The following SLC9A9 variants were observed in gnomAD, a reference collection of about 807,000 sequenced individuals.
The protein encoded by SLC9A9 is solute carrier family 9 member A9.
A neutral mutation model predicts 77.8 loss-of-function variants in SLC9A9; 62 were observed. That is an observed-to-expected ratio of 0.80 (90% CI 0.65 to 0.98). The LOEUF is 0.98. Among genes scored for constraint, SLC9A9 ranks in the 50% least tolerant of loss-of-function variants. SLC9A9 has a pLI of 0.00. For synonymous variants in SLC9A9, 320 were observed against 283.5 expected, an observed-to-expected ratio of 1.13 and a Z score of -1.29; for missense variants, 775 against 774.9, an observed-to-expected ratio of 1.00 and a Z score of 0.00.
At chr3:143,489,670 A>T (rs943101116) in intron 11 of SLC9A9, among the ~76,000 whole-genome samples, 2 of 152,074 alleles carry the variant, frequency 1.3e-5, no homozygotes, top group Non-Finnish European at 2.9e-5. Flanking sequence ...AAAAATAGAC[A>T]AATTAAATTT....
At chr3:143,566,220 T>C (rs2108650592) in intron 8 of SLC9A9, among the ~76,000 whole-genome samples, 1 of 152,274 alleles carries the variant, frequency 6.6e-6, no homozygotes, top group Non-Finnish European at 1.5e-5. Flanking sequence ...CAAAAGCCTT[T>C]CAAGAACTGA....
At chr3:143,439,701 C>G (rs571920959) in intron 12 of SLC9A9, among the ~76,000 whole-genome samples, 1 of 152,272 alleles carries the variant, frequency 6.6e-6, no homozygotes, top group East Asian at 1.9e-4. Flanking sequence ...CCCCCCAACT[C>G]CCCTCATTCT....
Position 143,511,177 on chromosome 3 carries a change from G to A in SLC9A9, c.1090-15729C>T, listed in dbSNP as rs552849797. Among the ~76,000 whole-genome samples, 9 of 152,194 alleles carry A rather than the reference G, an allele frequency of 5.9e-5. No homozygotes were observed. In the East Asian group the frequency reaches 9.7e-4, roughly 16 times the overall value. On this transcript the variant is annotated intron_variant, in intron 9 of 15. Coordinates refer to ENST00000316549, the MANE Select transcript of SLC9A9 (RefSeq NM_173653.4). ...TTGGGCTGGTGCAGTGGGGGTGGGC[G>A]GATGATCACCCCAAAACAGTCAAGT... is the stretch of plus-strand genomic sequence containing the variant.
At position 143,765,127 on chromosome 3, in the gene SLC9A9, CT is replaced by C. The variant is rs2007271954; in HGVS notation, c.533+29873del. Among the ~76,000 whole-genome samples the C allele has an allele frequency of 4.8e-5, 7 of 145,464 alleles. No individual in the cohort carries two copies. In the Admixed American group the frequency reaches 4.9e-4, roughly 10 times the overall value. ...TTTCCCTCTTTTTCTTTCTTTCTCT[CT>C]TTCTTTCTTTTTCTTTCTTTCTCTC... On this transcript the variant is annotated intron_variant, in intron 4 of 15. Coordinates refer to ENST00000316549, the MANE Select transcript of SLC9A9 (RefSeq NM_173653.4).
chr3:143,529,658 A>G (rs2036470310), intron 9 of SLC9A9, among the ~76,000 whole-genome samples: 1 of 152,218 alleles, frequency 6.6e-6, no homozygotes, highest in Admixed American at 6.5e-5. Context: ...TAACCCATCA[A>G]TGATTACTGG....
chr3:143,770,298 A>G (rs1320919234), intron 4 of SLC9A9, among the ~76,000 whole-genome samples: 3 of 152,342 alleles, frequency 2.0e-5, no homozygotes, highest in Admixed American at 1.3e-4. Flanking sequence ...AACATATTTT[A>G]CAGGCACAAT....
intron 3 of SLC9A9, among the ~76,000 whole-genome samples, chr3:143,795,773 T>G (rs1659359012): frequency 6.6e-6 from 1 of 152,198 alleles, no homozygotes; most frequent in African/African-American, 2.4e-5. Flanking sequence ...GCAATTCACT[T>G]TATTTTAATG....
intron 5 of SLC9A9, among the ~76,000 whole-genome samples, chr3:143,677,075 C>T (rs1215998105): frequency 1.3e-5 from 2 of 152,188 alleles, no homozygotes; most frequent in Non-Finnish European, 2.9e-5. Context: ...ATGTTCATTG[C>T]TGAGTTGAGT....
intron 6 of SLC9A9, among the ~76,000 whole-genome samples, chr3:143,637,656 C>T (rs141704499): frequency 1.8e-4 from 28 of 152,200 alleles, no homozygotes; most frequent in Non-Finnish European, 3.2e-4. Context: ...ATAGCTTTAG[C>T]GTAACTGACA....
chr3:143,747,601 A>T (rs2108821622), intron 4 of SLC9A9, among the ~76,000 whole-genome samples: 1 of 152,220 alleles, frequency 6.6e-6, no homozygotes, highest in South Asian at 2.1e-4. Context: ...GGATTTAAGG[A>T]TGTTGGCTTT....
Position 143,379,339 on chromosome 3 carries a change from G to C in SLC9A9, c.1524+2721C>G, listed in dbSNP as rs1023143816. On this transcript the variant is annotated intron_variant, in intron 13 of 15. Transcript: ENST00000316549. Reference sequence around the variant, plus strand: ...GAGCAGAGAGGTTCTTGACAGTTTGGGAAGTACCAAAAAACGGTCCAGGTT... The same window carrying C: ...GAGCAGAGAGGTTCTTGACAGTTTGCGAAGTACCAAAAAACGGTCCAGGTT... Among the ~76,000 whole-genome samples, 3 of 152,174 alleles carry C rather than the reference G, an allele frequency of 2.0e-5. No individual in the cohort carries two copies. In the South Asian group the frequency reaches 6.2e-4, roughly 32 times the overall value.
At chr3:143,660,358 G>A (rs1342515378) in intron 5 of SLC9A9, among the ~76,000 whole-genome samples, 2 of 152,206 alleles carry the variant, frequency 1.3e-5, no homozygotes, top group Non-Finnish European at 2.9e-5. Flanking sequence ...TCACTTGCAA[G>A]AGCCAGAGAG....
At chr3:143,279,460 C>T (rs1238059833) in intron 14 of SLC9A9, among the ~76,000 whole-genome samples, 5 of 152,140 alleles carry the variant, frequency 3.3e-5, no homozygotes, top group Admixed American at 3.3e-4. Flanking sequence ...GATTCATGTG[C>T]AGAATGTGCA....
At chr3:143,641,097 A>C (rs1044062360) in intron 6 of SLC9A9, among the ~76,000 whole-genome samples, 1 of 152,192 alleles carries the variant, frequency 6.6e-6, no homozygotes, top group Non-Finnish European at 1.5e-5. Flanking sequence ...CGAGGATGTC[A>C]GAACAGAGTA....
chr3:143,626,275 CA>C (rs1242148222), intron 6 of SLC9A9, among the ~76,000 whole-genome samples: 1 of 152,096 alleles, frequency 6.6e-6, no homozygotes, highest in Non-Finnish European at 1.5e-5. Context: ...GGTATACACC[CA>C]AAGGATTATA....
intron 5 of SLC9A9, among the ~76,000 whole-genome samples, chr3:143,692,785 A>G (rs961851810): frequency 1.3e-4 from 20 of 152,158 alleles, no homozygotes; most frequent in African/African-American, 4.6e-4. Flanking sequence ...GGCCACACAT[A>G]AAATACACTA....
intron 5 of SLC9A9, among the ~76,000 whole-genome samples, chr3:143,671,622 T>C (rs1335570958): frequency 6.6e-6 from 1 of 152,226 alleles, no homozygotes; most frequent in Non-Finnish European, 1.5e-5. Flanking sequence ...AATTGAGGTT[T>C]ATATGATGGA....
At chr3:143,407,488 AC>A (rs1325445918) in intron 12 of SLC9A9, among the ~76,000 whole-genome samples, 1 of 152,222 alleles carries the variant, frequency 6.6e-6, no homozygotes, top group African/African-American at 2.4e-5. Context: ...TTGAATAAAA[AC>A]TTTATGTAAC....
chr3:143,266,361 G>A lies in SLC9A9; in HGVS notation c.*341C>T. 1 of 555,240 alleles carries A rather than the reference G, an allele frequency of 1.8e-6. No homozygotes were observed. Among genetic ancestry groups the A allele is most frequent in the East Asian group, 3.1e-5 (1 of 32,218 alleles). The allele number at this position is 555,240 out of a possible 1,614,324, so 34.4% of individuals were successfully genotyped here. ...AATAAAATCCAGAATAGAAGTGAAG[G>A]GCCTGGAGAGCCGCATTCGCAGCAG... On this transcript the variant is annotated 3_prime_UTR_variant, in exon 16 of 16. Coordinates refer to ENST00000316549, the MANE Select transcript of SLC9A9 (RefSeq NM_173653.4).
Sources: gnomAD v4.1 joint callset for allele counts (sites outside exome capture counted in the v4.1 genomes callset) on GRCh38, gnomAD v4.1.1 for gene constraint, MANE v1.5 for transcripts, NCBI Gene and HGNC (gene_info 2026-07-23, HGNC 2026-07-21) for gene names.